Variants in RMC1 observed in about 807,000 individuals in gnomAD.
The protein encoded by RMC1 is regulator of MON1-CCZ1.
A neutral mutation model predicts 95.5 loss-of-function variants in RMC1; 44 were observed. That is an observed-to-expected ratio of 0.46 (90% CI 0.36 to 0.59). RMC1 has a LOEUF of 0.59. Among genes scored for constraint, RMC1 ranks in the 20% least tolerant of loss-of-function variants. The pLI is 0.00. For synonymous variants in RMC1, 320 were observed against 303.6 expected, an observed-to-expected ratio of 1.05 and a Z score of -0.56; for missense variants, 705 against 819.6, an observed-to-expected ratio of 0.86 and a Z score of 1.71.
At position 23,520,416 on chromosome 18, in the gene RMC1, ACAGAGATTCC is replaced by A. The variant is rs2058112868; in HGVS notation, c.961+108_961+117del. On this transcript the variant is annotated intron_variant, in intron 10 of 19. Transcript: ENST00000269221. ...ACGTTAAAAGTGGAGTGAGGAATAA[ACAGAGATTCC>A]CAGATCTGTCTGATTTTGCCAGGGG... 14 of 937,956 alleles carry A rather than the reference ACAGAGATTCC, an allele frequency of 1.5e-5. No homozygotes were observed. In the South Asian group the frequency reaches 2.2e-4, roughly 15 times the overall value. The allele number at this position is 937,956 out of a possible 1,614,324, so 58.1% of individuals were successfully genotyped here. A position where few individuals can be genotyped will look rare whatever the true frequency, so the allele number is the denominator to read the frequency against.
chr18:23,505,228 T>G (rs1914631209), intron 2 of RMC1, among the ~76,000 whole-genome samples: 1 of 152,056 alleles, frequency 6.6e-6, no homozygotes. Flanking sequence ...CGGCTAATTT[T>G]TTTTGTATTT....
intron 13 of RMC1, among the ~76,000 whole-genome samples, chr18:23,527,414 T>C (rs752745175): frequency 4.6e-5 from 7 of 151,246 alleles, no homozygotes; most frequent in Non-Finnish European, 5.9e-5. Flanking sequence ...AAAATAATAA[T>C]AATAATCCCC....
Position 23,503,611 on chromosome 18 carries a change from C to T in RMC1, c.-8C>T. The stretch of plus-strand genomic sequence containing the variant: ...CCCGGGGCCCCCGCCGCGGGCGCGG[C>T]GCCCGCCATGGGCGAGGAGGACTAC... On this transcript the variant is annotated 5_prime_UTR_variant, in exon 1 of 20. Coordinates refer to ENST00000269221, the MANE Select transcript of RMC1 (RefSeq NM_013326.5). 6 of 1,544,992 alleles carry T rather than the reference C, an allele frequency of 3.9e-6. No individual in the cohort carries two copies. Among genetic ancestry groups the T allele is most frequent in the African/African-American group, 1.4e-5 (1 of 69,774 alleles).
chr18:23,515,803 G>A, intron 5 of RMC1, 53 bp from the exon 6 acceptor site: 1 of 1,609,700 alleles, frequency 6.2e-7, no homozygotes, highest in South Asian at 1.1e-5. Flanking sequence ...AAAGTGCTGG[G>A]ATTAGTTTGC....
In RMC1 at chr18:23,515,955, A is replaced by T; in HGVS notation, c.508A>T (p.Thr170Ser). 6.2e-7 allele frequency: 1 copy of T among 1,614,090 alleles called. No homozygotes were observed. Among genetic ancestry groups the T allele is most frequent in the Non-Finnish European group, 8.5e-7 (1 of 1,180,008 alleles). The change falls in exon 6 of 20, where the codon ACC becomes TCC. Residue 170 changes from threonine to serine, a missense_variant. Physicochemically the swap from Thr to Ser is moderately conservative, Grantham distance 58 (BLOSUM62 1). Coordinates refer to ENST00000269221, the MANE Select transcript of RMC1 (RefSeq NM_013326.5). The stretch of plus-strand genomic sequence containing the variant: ...CGAGAGCGCCGTGATCTTGCTGTCT[A>T]CCACGGTCCTGGAGAATGTCCTGCA... ...CPESAVILLSTTVLENVLQPF... is the reference protein window; with the variant it reads ...CPESAVILLSSTVLENVLQPF...
rs745331500 is a variant in RMC1 at position 23,529,243 on chromosome 18, T to C, written c.1361T>C (p.Val454Ala). The change falls in exon 15 of 20, where the codon GTG becomes GCG. Residue 454 changes from valine to alanine, a missense_variant. Transcript: ENST00000269221. ...AAGAGGCCGGTGCGGACCCAGGCGGTGCTGGACCAGTCAGATGTGTACACC... is the reference window on the plus strand; with the variant it reads ...AAGAGGCCGGTGCGGACCCAGGCGGCGCTGGACCAGTCAGATGTGTACACC... Reference protein sequence around the residue: ...LLKRPVRTQAVLDQSDVYTHV... With the variant: ...LLKRPVRTQAALDQSDVYTHV... 6.2e-7 allele frequency: 1 copy of C among 1,614,070 alleles called. No individual in the cohort carries two copies. The highest frequency in any genetic ancestry group is 2.2e-5 in the East Asian group (1 of 44,886).
intron 14 of RMC1, 143 bp from the exon 15 acceptor site, chr18:23,529,036 A>G: frequency 7.3e-7 from 1 of 1,363,750 alleles, no homozygotes; most frequent in Non-Finnish European, 9.8e-7. Context: ...TGCGCACAGG[A>G]AAAAGTTGTA....
At chr18:23,527,005 G>A (rs2058316389) in intron 13 of RMC1, among the ~76,000 whole-genome samples, 1 of 152,132 alleles carries the variant, frequency 6.6e-6, no homozygotes, top group Non-Finnish European at 1.5e-5. Context: ...GGGCACACAG[G>A]AGGGGAGTGG....
intron 2 of RMC1, chr18:23,506,690 A>G (rs1416991641): frequency 3.4e-5 from 11 of 324,364 alleles, no homozygotes; most frequent in African/African-American, 6.7e-5. Context: ...GAGCGGGTCT[A>G]TAGTTATTTA....
intron 10 of RMC1, among the ~76,000 whole-genome samples, chr18:23,521,958 G>C (rs1206994272): frequency 2.0e-5 from 3 of 152,250 alleles, no homozygotes; most frequent in Non-Finnish European, 4.4e-5. Flanking sequence ...GACGTAGTCA[G>C]ATGGCTCACA....
chr18:23,508,936 C>G (rs2057779533), intron 4 of RMC1, among the ~76,000 whole-genome samples: 2 of 152,150 alleles, frequency 1.3e-5, no homozygotes, highest in Admixed American at 1.3e-4. Flanking sequence ...GAGCTCTGGT[C>G]AGTTACTTTT....
chr18:23,519,475 G>A (rs532036425), intron 9 of RMC1, among the ~76,000 whole-genome samples: 4 of 151,522 alleles, frequency 2.6e-5, no homozygotes, highest in Admixed American at 2.0e-4. Flanking sequence ...TGGAGATCGC[G>A]CCACTGCACT....
intron 2 of RMC1, 91 bp downstream of exon 2, chr18:23,504,538 G>A (rs1168524174): frequency 2.6e-5 from 33 of 1,259,216 alleles, no homozygotes; most frequent in Admixed American, 7.0e-5. Context: ...TTGTCATTTG[G>A]TCTGCCCTAA....
chr18:23,528,915 T>A (rs2058392038), intron 14 of RMC1: 2 of 339,200 alleles, frequency 5.9e-6, no homozygotes, highest in Non-Finnish European at 1.1e-5. Flanking sequence ...GTTTTGTTCT[T>A]ATTGCCCAGG....
chr18:23,513,401 C>T (rs940656994), intron 5 of RMC1, among the ~76,000 whole-genome samples: 3 of 152,194 alleles, frequency 2.0e-5, no homozygotes, highest in African/African-American at 4.8e-5. Context: ...CTGATAATAC[C>T]GCACTGAGCG....
At position 23,526,682 on chromosome 18, in the gene RMC1, T is replaced by C; in HGVS notation, c.1106T>C (p.Leu369Pro). 6.2e-7 allele frequency: 1 copy of C among 1,614,126 alleles called. No individual in the cohort carries two copies. The change falls in exon 13 of 20, where the codon CTC becomes CCC. Residue 369 changes from leucine (L) to proline (P), a missense_variant. Leu to Pro is a moderately conservative substitution (Grantham distance 98, BLOSUM62 -3). Coordinates refer to ENST00000269221, the MANE Select transcript of RMC1 (RefSeq NM_013326.5). ...LQVKLEPIVN[L>P]LPDKGRLMDF... ...GTGAAACTTGAGCCCATAGTAAATCTCTTACCAGACAAAGGAAGACTCATG... is the reference window on the plus strand; with the variant it reads ...GTGAAACTTGAGCCCATAGTAAATCCCTTACCAGACAAAGGAAGACTCATG...
At chr18:23,505,391 T>G (rs12966114) in intron 2 of RMC1, among the ~76,000 whole-genome samples, 44,536 of 152,082 alleles carry the variant, frequency 0.29, 8,211 homozygotes, top group Non-Finnish European at 0.41. Context: ...TGGATGGGGT[T>G]CGAGCATGGT....
At chr18:23,507,604 G>A (rs1685619562) in intron 3 of RMC1, among the ~76,000 whole-genome samples, 1 of 152,156 alleles carries the variant, frequency 6.6e-6, no homozygotes, top group South Asian at 2.1e-4. Context: ...TAGAGTAGAG[G>A]GAAGGCTGTT....
At chr18:23,513,091 T>C (rs867792874) in intron 5 of RMC1, among the ~76,000 whole-genome samples, 2 of 152,070 alleles carry the variant, frequency 1.3e-5, no homozygotes, top group Non-Finnish European at 2.9e-5. Flanking sequence ...ATAGCTGGGA[T>C]TACAGGTGTG....
Sources: gnomAD v4.1 joint callset for allele counts (sites outside exome capture counted in the v4.1 genomes callset) on GRCh38, gnomAD v4.1.1 for gene constraint, MANE v1.5 for transcripts, NCBI Gene and HGNC (gene_info 2026-07-23, HGNC 2026-07-21) for gene names.